Variants in NNT observed in about 807,000 individuals in gnomAD.
NNT encodes NAD(P) transhydrogenase, mitochondrial.
NNT carries 50 observed loss-of-function variants against 104.8 expected under a neutral mutation model. The observed-to-expected ratio is 0.48, with a 90% CI of 0.38 to 0.60. The LOEUF (loss-of-function observed/expected upper bound fraction) is 0.60, where lower values mean the gene tolerates loss of function less well. Ranked by LOEUF, NNT falls within the 20% of genes least tolerant of loss-of-function variation. The pLI, the probability that NNT is intolerant of heterozygous loss-of-function variation, is 0.00. For synonymous variants in NNT, 461 were observed against 490.4 expected, an observed-to-expected ratio of 0.94 and a Z score of 0.79; for missense variants, 1,131 against 1,330.7, an observed-to-expected ratio of 0.85 and a Z score of 2.33.
intron 18 of NNT, 136 bp downstream of exon 18, chr5:43,675,806 A>G: frequency 1.5e-6 from 1 of 645,420 alleles, no homozygotes; most frequent in Non-Finnish European, 2.4e-6. Context: ...CAAATCTATG[A>G]TTACTAAGTG....
chr5:43,700,913 T>A (rs549031194), intron 20 of NNT, among the ~76,000 whole-genome samples: 1 of 152,298 alleles, frequency 6.6e-6, no homozygotes, highest in East Asian at 1.9e-4. Flanking sequence ...ATAGCATTTT[T>A]TTGGCAACAG....
chr5:43,676,659 G>A (rs961992422), intron 18 of NNT, among the ~76,000 whole-genome samples: 4 of 152,176 alleles, frequency 2.6e-5, no homozygotes, highest in Admixed American at 6.5e-5. Context: ...ATTGAGCAAT[G>A]CTGTTCTGGA....
At chr5:43,643,088 C>G (rs2162868) in intron 7 of NNT, among the ~76,000 whole-genome samples, 1 of 151,938 alleles carries the variant, frequency 6.6e-6, no homozygotes, top group Non-Finnish European at 1.5e-5. Context: ...CCACGTCCAG[C>G]TAAGTTTTTT....
In NNT at chr5:43,653,116, G is replaced by C; in HGVS notation, c.1962G>C (p.Gly654=). The C allele has an allele frequency of 6.2e-7, 1 of 1,614,082 alleles. No individual in the cohort carries two copies. Residue 654 remains glycine, a synonymous_variant, in exon 14 of 22, where the codon GGG becomes GGC. Transcript: ENST00000344920. ...ARLGNALGMI[G]VAGGLAATLG... ...TTGGCAATGCACTGGGCATGATTGG[G>C]GTTGCTGGAGGACTGGCAGCCACCC... is the stretch of plus-strand genomic sequence containing the variant.
chr5:43,640,825 C>T (rs553777151), intron 7 of NNT, among the ~76,000 whole-genome samples: 2 of 150,348 alleles, frequency 1.3e-5, no homozygotes, highest in Non-Finnish European at 3.0e-5. Flanking sequence ...ATCATATATA[C>T]ACATATATAA....
At chr5:43,615,053 C>T (rs1488159607) in intron 3 of NNT, among the ~76,000 whole-genome samples, 4 of 151,798 alleles carry the variant, frequency 2.6e-5, no homozygotes, top group Admixed American at 6.5e-5. Flanking sequence ...AGGAGAATGG[C>T]GTGAACCCGG....
chr5:43,616,640 A>G (rs1208355274), intron 4 of NNT, among the ~76,000 whole-genome samples: 1 of 152,236 alleles, frequency 6.6e-6, no homozygotes, highest in East Asian at 1.9e-4. Flanking sequence ...CATTTGCCCA[A>G]TAGCACTAAT....
chr5:43,667,920 A>T (rs13174983), intron 17 of NNT, among the ~76,000 whole-genome samples: 5,699 of 152,132 alleles, frequency 0.037, 220 homozygotes, highest in East Asian at 0.2. Flanking sequence ...CCACATCCTC[A>T]CCAGCACCTG....
intron 19 of NNT, among the ~76,000 whole-genome samples, chr5:43,686,298 G>A (rs1741987459): frequency 6.7e-6 from 1 of 148,388 alleles, no homozygotes; most frequent in Non-Finnish European, 1.5e-5. Flanking sequence ...GACATTTGTT[G>A]TATCTGTCAA....
chr5:43,668,914 A>G (rs987869266), intron 17 of NNT, among the ~76,000 whole-genome samples: 2 of 152,228 alleles, frequency 1.3e-5, no homozygotes, highest in Non-Finnish European at 2.9e-5. Context: ...ATCCATGAGC[A>G]TGGAATGTTC....
rs1343060308 is a variant in NNT, at chr5:43,619,179, T to C, written c.687+60T>C. ...CATTGATTAAAGGAAAGGGTATGTA[T>C]AGTCTTAAAATACAGTTATTTAAAA... On this transcript the variant is annotated intron_variant, in intron 5 of 21. Transcript: ENST00000344920. 13 of 974,706 alleles carry C rather than the reference T, an allele frequency of 1.3e-5. No homozygotes were observed. In the East Asian group the frequency reaches 3.3e-4, roughly 25 times the overall value. The allele number at this position is 974,706 out of a possible 1,614,324, so 60.4% of individuals were successfully genotyped here.
At chr5:43,619,176 G>A in intron 5 of NNT, 57 bp downstream of exon 5, 2 of 992,384 alleles carry the variant, frequency 2.0e-6, no homozygotes, top group Non-Finnish European at 2.9e-6. Flanking sequence ...GAAAGGGTAT[G>A]TATAGTCTTA....
chr5:43,664,314 G>A (rs13183122), intron 17 of NNT, among the ~76,000 whole-genome samples: 5,137 of 152,236 alleles, frequency 0.034, 134 homozygotes, highest in East Asian at 0.12. Context: ...AAATTGAACA[G>A]CATTTTCAGA....
chr5:43,680,889 C>T (rs1245598552), intron 19 of NNT, among the ~76,000 whole-genome samples: 1 of 152,060 alleles, frequency 6.6e-6, no homozygotes, highest in Non-Finnish European at 1.5e-5. Context: ...GTAAGAGCCA[C>T]AGATATTTTG....
Position 43,644,806 on chromosome 5 carries a change from A to G in NNT, c.1290+4A>G. On this transcript the variant is annotated splice_donor_region_variant and intron_variant, in intron 9 of 21. Coordinates refer to ENST00000344920, the MANE Select transcript of NNT (RefSeq NM_182977.3). ...TAGAGGAACTGTAGTGATGAAAGTA[A>G]GTAAAGAGATCTATTCCTTCCTTTG... 6.2e-7 allele frequency: 1 copy of G among 1,606,006 alleles called. No homozygotes were observed. The highest frequency in any genetic ancestry group is 2.2e-5 in the East Asian group (1 of 44,830).
chr5:43,658,028 G>A (rs903854226), intron 16 of NNT, among the ~76,000 whole-genome samples: 5 of 152,114 alleles, frequency 3.3e-5, no homozygotes, highest in African/African-American at 4.8e-5. Flanking sequence ...CCAGCTGCTC[G>A]GGAGACTGAG....
chr5:43,653,214 G>A lies in NNT; in HGVS notation c.2059+1G>A. ...GCGATGGCTTTGGGTGGTACCATTG[G>A]TAAGCACTTGTGGGCTTCTGCCTTC... On this transcript the variant is annotated splice_donor_variant, in intron 14 of 21. Transcript: ENST00000344920. LOFTEE classifies it high-confidence loss of function. 1 of 1,611,368 alleles carries A rather than the reference G, an allele frequency of 6.2e-7. No individual in the cohort carries two copies. The highest frequency in any genetic ancestry group is 8.5e-7 in the Non-Finnish European group (1 of 1,178,022).
In NNT at chr5:43,616,079, CATTTCA is replaced by C; in HGVS notation, c.599+18_599+23del. 6.2e-7 allele frequency: 1 copy of C among 1,605,568 alleles called. No individual in the cohort carries two copies. Among genetic ancestry groups the C allele is most frequent in the Non-Finnish European group, 8.5e-7 (1 of 1,174,632 alleles). ...CAACATTGCGGGGTAGGTTCTTTTC[CATTTCA>C]ATTGAACAAAAGCGCAATAGTGCTA... On this transcript the variant is annotated intron_variant, in intron 4 of 21. Coordinates refer to ENST00000344920, the MANE Select transcript of NNT (RefSeq NM_182977.3).
chr5:43,618,701 A>G (rs1749915222), intron 4 of NNT, among the ~76,000 whole-genome samples: 1 of 152,190 alleles, frequency 6.6e-6, no homozygotes, highest in Non-Finnish European at 1.5e-5. Flanking sequence ...AATGGATAAG[A>G]GAGTGCCTCT....
Sources: gnomAD v4.1 joint callset for allele counts (sites outside exome capture counted in the v4.1 genomes callset) on GRCh38, gnomAD v4.1.1 for gene constraint, MANE v1.5 for transcripts, NCBI Gene and HGNC (gene_info 2026-07-23, HGNC 2026-07-21) for gene names.